KCNH8: variants seen among roughly 807,000 people sequenced by gnomAD.
The protein encoded by KCNH8 is potassium voltage-gated channel subfamily H member 8, also known as voltage-gated delayed rectifier potassium channel KCNH8.
Under a neutral mutation model 103.6 loss-of-function variants are expected in KCNH8, and 70 were observed. The observed-to-expected ratio is 0.68, with a 90% CI of 0.56 to 0.82. The LOEUF (loss-of-function observed/expected upper bound fraction) is 0.82. Ranked by LOEUF, KCNH8 falls within the 40% of genes least tolerant of loss-of-function variation. The pLI is 0.00. For missense variants in KCNH8, 1,217 were observed against 1,329.9 expected (o/e 0.92, Z 1.32); for synonymous variants, 498 against 489.4 (o/e 1.02, Z -0.23).
At chr3:19,302,258 G>C (rs747365149) in intron 3 of KCNH8, among the ~76,000 whole-genome samples, 1 of 152,082 alleles carries the variant, frequency 6.6e-6, no homozygotes, top group African/African-American at 2.4e-5. Context: ...GGCTTACTGT[G>C]AATAACAAAA....
At chr3:19,345,630 A>AT (rs200512260) in intron 4 of KCNH8, among the ~76,000 whole-genome samples, 47 of 151,018 alleles carry the variant, frequency 3.1e-4, no homozygotes, top group Middle Eastern at 3.4e-3. Context: ...ATTGTGTACC[A>AT]TTTTTTTTTA....
chr3:19,364,762 TTAAAG>T (rs1574971330), intron 5 of KCNH8, among the ~76,000 whole-genome samples: 2 of 152,046 alleles, frequency 1.3e-5, no homozygotes, highest in East Asian at 3.9e-4. Flanking sequence ...TTAGGTGACT[TTAAAG>T]TACCTACTTA....
At chr3:19,458,193 CAT>C (rs1162783701) in intron 11 of KCNH8, among the ~76,000 whole-genome samples, 1 of 151,926 alleles carries the variant, frequency 6.6e-6, no homozygotes, top group Non-Finnish European at 1.5e-5. Context: ...GAGTTTAAAA[CAT>C]ATATTGTTTC....
In KCNH8 at chr3:19,347,722, C is replaced by T. The variant is rs1317183676; in HGVS notation, c.571-3C>T. The T allele has an allele frequency of 2.5e-6, 4 of 1,612,414 alleles. No individual in the cohort carries two copies. The highest frequency in any genetic ancestry group is 3.4e-6 in the Non-Finnish European group (4 of 1,179,060). On this transcript the variant is annotated splice_polypyrimidine_tract_variant and splice_region_variant and intron_variant, in intron 4 of 15. Transcript: ENST00000328405. ...TTTCTCTCCTTTTTGTCTTCATCCA[C>T]AGAATGTTTTTGTAGATAAACCAGC...
intron 7 of KCNH8, among the ~76,000 whole-genome samples, chr3:19,427,726 C>T: frequency 6.6e-6 from 1 of 152,106 alleles, no homozygotes; most frequent in East Asian, 1.9e-4. Context: ...CCACCAACTG[C>T]CTTTGGAGTA....
chr3:19,524,022 T>A (rs1046839361), intron 15 of KCNH8, among the ~76,000 whole-genome samples: 3 of 152,032 alleles, frequency 2.0e-5, no homozygotes, highest in Middle Eastern at 6.8e-3. Context: ...GGCTGTTTTT[T>A]ATTTAAGAGT....
At chr3:19,493,755 T>C (rs2068376207) in intron 11 of KCNH8, among the ~76,000 whole-genome samples, 1 of 152,096 alleles carries the variant, frequency 6.6e-6, no homozygotes, top group Non-Finnish European at 1.5e-5. Flanking sequence ...CTTATTATTA[T>C]TATTATTTTT....
At chr3:19,256,175 A>T (rs1017409254) in intron 2 of KCNH8, among the ~76,000 whole-genome samples, 2 of 152,100 alleles carry the variant, frequency 1.3e-5, no homozygotes, top group African/African-American at 4.8e-5. Context: ...TATTGAGATC[A>T]ATGTCAAGAA....
chr3:19,299,650 A>C (rs1192888573), intron 3 of KCNH8, among the ~76,000 whole-genome samples: 3 of 151,642 alleles, frequency 2.0e-5, no homozygotes, highest in African/African-American at 7.3e-5. Context: ...AAAAAAAAAT[A>C]AAACAAAAAT....
chr3:19,149,213 T>C (rs1190514028), intron 1 of KCNH8, among the ~76,000 whole-genome samples: 1 of 152,176 alleles, frequency 6.6e-6, no homozygotes, highest in East Asian at 1.9e-4. Flanking sequence ...TGGAGCTTCA[T>C]TCCGTGATAT....
rs56047240 is a variant in KCNH8 at position 19,196,460 on chromosome 3, GA to G, written c.76+47676del. Among the ~76,000 whole-genome samples, 1,043 of 143,716 alleles carry G rather than the reference GA, an allele frequency of 7.3e-3. 5 individuals carry two copies. The highest frequency in any genetic ancestry group is 0.029 in the Middle Eastern group (8 of 278). 94.3% of individuals were successfully genotyped at this position (143,716 alleles called of 152,430 possible). A position where few individuals can be genotyped will look rare whatever the true frequency, so the allele number is the denominator to read the frequency against. ...CTTTTACTCAGTGAAAGACTGAAAT[GA>G]AAAAAAAAAAGATCTTGGCTTCATT... is the stretch of plus-strand genomic sequence containing the variant. On this transcript the variant is annotated intron_variant, in intron 1 of 15. Coordinates refer to ENST00000328405, the MANE Select transcript of KCNH8 (RefSeq NM_144633.3).
intron 3 of KCNH8, among the ~76,000 whole-genome samples, chr3:19,317,807 G>A (rs1383030630): frequency 6.6e-6 from 1 of 151,700 alleles, no homozygotes; most frequent in African/African-American, 2.4e-5. Flanking sequence ...AATAAACTAG[G>A]TATTGGAGGA....
chr3:19,304,785 C>T (rs2065108746), intron 3 of KCNH8, among the ~76,000 whole-genome samples: 1 of 152,068 alleles, frequency 6.6e-6, no homozygotes, highest in African/African-American at 2.4e-5. Context: ...CTGCATGTGG[C>T]TATTGAGCAC....
chr3:19,320,007 T>C (rs2065328397), intron 3 of KCNH8, among the ~76,000 whole-genome samples: 1 of 152,096 alleles, frequency 6.6e-6, no homozygotes, highest in Admixed American at 6.6e-5. Flanking sequence ...TACATTAATT[T>C]TGTATCCTGA....
At chr3:19,392,374 T>G (rs567283261) in intron 6 of KCNH8, among the ~76,000 whole-genome samples, 3 of 151,072 alleles carry the variant, frequency 2.0e-5, no homozygotes, top group African/African-American at 7.3e-5. Context: ...CAGTGATACT[T>G]GTTCTGCTTT....
intron 12 of KCNH8, 124 bp from the exon 13 acceptor site, chr3:19,512,844 TCA>T: frequency 1.2e-6 from 1 of 818,796 alleles, no homozygotes. Flanking sequence ...TGCAAAGACT[TCA>T]GTTTTAATGA....
At chr3:19,444,622 A>G (rs1041895904) in intron 8 of KCNH8, among the ~76,000 whole-genome samples, 1 of 151,972 alleles carries the variant, frequency 6.6e-6, no homozygotes, top group African/African-American at 2.4e-5. Flanking sequence ...CATCTACTAT[A>G]TATAAAGAAC....
chr3:19,462,125 A>T (rs1021615506), intron 11 of KCNH8, among the ~76,000 whole-genome samples: 1 of 152,242 alleles, frequency 6.6e-6, no homozygotes, highest in Non-Finnish European at 1.5e-5. Context: ...TCTTTATGGC[A>T]GTATGACTTA....
At chr3:19,359,438 G>A (rs530006315) in intron 5 of KCNH8, among the ~76,000 whole-genome samples, 1 of 152,038 alleles carries the variant, frequency 6.6e-6, no homozygotes, top group African/African-American at 2.4e-5. Context: ...CGCAGTATCA[G>A]AAACTGATAA....
Sources: allele counts gnomAD v4.1 joint callset (sites outside exome capture counted in the v4.1 genomes callset), GRCh38; gene constraint gnomAD v4.1.1; transcripts MANE v1.5; gene names NCBI Gene and HGNC (gene_info 2026-07-23, HGNC 2026-07-21).